Variants in EGFL6 observed in about 807,000 individuals in gnomAD.
EGFL6 encodes EGF like domain multiple 6, also known as epidermal growth factor-like protein 6.
Under a neutral mutation model 43.1 loss-of-function variants are expected in EGFL6, and 42 were observed. That is an observed-to-expected ratio of 0.98 (90% confidence interval 0.76 to 1.26). The LOEUF (loss-of-function observed/expected upper bound fraction) is 1.26. Ranked by LOEUF, EGFL6 falls within the 50% of genes most tolerant of loss-of-function variation. The pLI, the probability that EGFL6 is intolerant of heterozygous loss-of-function variation, is 0.00. For missense variants in EGFL6, 429 were observed against 427.8 expected (o/e 1.00, Z -0.02); for synonymous variants, 164 against 163.2 (o/e 1.01, Z -0.04).
chrX:13,600,723 C>T (rs1160436969), intron 4 of EGFL6, among the ~76,000 whole-genome samples: 1 of 98,266 alleles, frequency 1.0e-5, no homozygotes, highest in Non-Finnish European at 2.0e-5. Flanking sequence ...CATGACGAAA[C>T]CCTGTCTCTA....
At chrX:13,580,267 C>T (rs1032713145) in intron 1 of EGFL6, among the ~76,000 whole-genome samples, 2 of 111,603 alleles carry the variant, frequency 1.8e-5, no homozygotes, top group Admixed American at 1.9e-4. Flanking sequence ...TCCAGGTTAT[C>T]TTCCCAGTCC....
intron 4 of EGFL6, among the ~76,000 whole-genome samples, chrX:13,602,579 A>G (rs1246980866): frequency 8.9e-6 from 1 of 111,881 alleles, no homozygotes; most frequent in African/African-American, 3.3e-5. Flanking sequence ...CACATGGAAA[A>G]TAGACAAAAC....
chrX:13,597,731 C>G (rs1359945432), intron 3 of EGFL6, among the ~76,000 whole-genome samples: 1 of 111,144 alleles, frequency 9.0e-6, no homozygotes, highest in African/African-American at 3.3e-5. Flanking sequence ...TTGCAGTGAG[C>G]TGAGATCGCG....
chrX:13,571,925 C>CTT (rs2045445321), intron 1 of EGFL6, among the ~76,000 whole-genome samples: 1 of 112,181 alleles, frequency 8.9e-6, no homozygotes, highest in South Asian at 3.7e-4. Context: ...GGTTTCACAA[C>CTT]TTATAGGAAA....
At chrX:13,580,127 T>C (rs1310313021) in intron 1 of EGFL6, among the ~76,000 whole-genome samples, 1 of 111,681 alleles carries the variant, frequency 9.0e-6, no homozygotes, top group Non-Finnish European at 1.9e-5. Context: ...TTTAAAACCG[T>C]CACAGCATAC....
At chrX:13,612,899 C>A in intron 7 of EGFL6, among the ~76,000 whole-genome samples, 1 of 111,385 alleles carries the variant, frequency 9.0e-6, no homozygotes, top group African/African-American at 3.3e-5. Context: ...AATCCTAGCA[C>A]TTTGGAAGGC....
intron 3 of EGFL6, among the ~76,000 whole-genome samples, chrX:13,595,619 C>A (rs138508546): frequency 0.02 from 2,297 of 112,151 alleles, 41 homozygotes; most frequent in African/African-American, 0.053. Context: ...ACATTGTTCT[C>A]TGCATAGCCC....
chrX:13,577,393 TATATGC>T (rs1256316027), intron 1 of EGFL6, among the ~76,000 whole-genome samples: 14 of 103,681 alleles, frequency 1.4e-4, no homozygotes, highest in Non-Finnish European at 2.0e-5. Flanking sequence ...AATATATGTC[TATATGC>T]ATATGTATAA....
intron 7 of EGFL6, among the ~76,000 whole-genome samples, chrX:13,613,149 A>AATATATATATATATATATATAT (rs1166418088): frequency 4.1e-5 from 3 of 73,551 alleles, no homozygotes; most frequent in African/African-American, 2.0e-4. Context: ...CATCTCCATA[A>AATATATATATATATATATATAT]ATATATACAT....
Position 13,617,832 on chromosome X carries a change from CA to C in EGFL6, c.886del (p.Ile296LeufsTer16), listed in dbSNP as rs771268400. ...CACAAAAACAGCATGAAAAAGAAGG[CA>C]AAAATTAAAAATGTTACCCCAGAAC... ...LAHKNSMKKK[A>X]KIKNVTPEPT... On this transcript the variant is annotated frameshift_variant, in exon 8 of 12. Transcript: ENST00000361306. LOFTEE classifies it high-confidence loss of function. 3.3e-6 allele frequency: 4 copies of C among 1,211,207 alleles called. No individual in the cohort carries two copies. In the East Asian group the frequency reaches 8.9e-5, roughly 27 times the overall value.
At position 13,617,818 on chromosome X, in the gene EGFL6, C is replaced by T. The variant is rs5978653; in HGVS notation, c.867C>T (p.Ser289=). ...RIKKLLAHKN[S]MKKKAKIKNV... ...AGAAGTTGCTTGCTCACAAAAACAGCATGAAAAAGAAGGCAAAAATTAAAA... is the reference window on the plus strand; with the variant it reads ...AGAAGTTGCTTGCTCACAAAAACAGTATGAAAAAGAAGGCAAAAATTAAAA... The change falls in exon 8 of 12, where the codon AGC becomes AGT. Residue 289 remains serine, a synonymous_variant. Coordinates refer to ENST00000361306, the MANE Select transcript of EGFL6 (RefSeq NM_015507.4). The T allele has an allele frequency of 0.064, 77,071 of 1,209,352 alleles. 1,824 individuals are homozygous for T. The highest frequency in any genetic ancestry group is 0.16 in the East Asian group (5,444 of 33,744).
Position 13,633,040 on chromosome X carries a change from G to C in EGFL6, c.1607G>C (p.Gly536Ala). Reference protein sequence around the residue: ...KGKTGEIAVDGVLLVSGLCPD... With the variant: ...KGKTGEIAVDAVLLVSGLCPD... ...AAAACCGGCGAAATCGCAGTGGATG[G>C]CGTCTTGCTTGTTTCAGGCTTATGT... The change falls in exon 12 of 12, where the codon GGC (glycine) becomes GCC (alanine). Residue 536 changes from glycine (G) to alanine (A), a missense_variant. Gly to Ala is a moderately conservative substitution (Grantham distance 60). Transcript: ENST00000361306. 8.3e-7 allele frequency: 1 copy of C among 1,206,591 alleles called. No individual in the cohort carries two copies. Among genetic ancestry groups the C allele is most frequent in the South Asian group, 1.8e-5 (1 of 55,765 alleles).
Position 13,610,571 on chromosome X carries a change from G to A in EGFL6, c.778+2125G>A, listed in dbSNP as rs771030701. 2.7e-5 allele frequency among the ~76,000 whole-genome samples: 3 copies of A among 112,275 alleles called. No individual in the cohort carries two copies. In the South Asian group the frequency reaches 1.1e-3, roughly 42 times the overall value. On this transcript the variant is annotated intron_variant, in intron 7 of 11. Coordinates refer to ENST00000361306, the MANE Select transcript of EGFL6 (RefSeq NM_015507.4). ...GCTGCCCAGGCAGGGCTGTGCATAG[G>A]TAGGTTGGGGGGAAGGACACCATAA...
chrX:13,573,098 C>T (rs374390833), intron 1 of EGFL6, among the ~76,000 whole-genome samples: 13 of 112,060 alleles, frequency 1.2e-4, no homozygotes, highest in African/African-American at 3.9e-4. Context: ...CAGGCCCACT[C>T]GGATAATTCA....
intron 1 of EGFL6, among the ~76,000 whole-genome samples, chrX:13,587,535 T>C (rs182436330): frequency 3.3e-4 from 37 of 111,785 alleles, no homozygotes; most frequent in Non-Finnish European, 6.4e-4. Flanking sequence ...TTACAATACA[T>C]TGTTGCTAAC....
chrX:13,582,711 T>C (rs977288440), intron 1 of EGFL6, among the ~76,000 whole-genome samples: 35 of 111,305 alleles, frequency 3.1e-4, no homozygotes, highest in African/African-American at 1.1e-3. Context: ...TGAGGATTTC[T>C]CTGGAGAGTT....
At chrX:13,618,539 A>G (rs980549495) in intron 8 of EGFL6, among the ~76,000 whole-genome samples, 5 of 112,720 alleles carry the variant, frequency 4.4e-5, no homozygotes, top group African/African-American at 1.6e-4. Context: ...ATGTAGGAGG[A>G]CAAATTTTAT....
At chrX:13,597,182 T>C (rs2045602701) in intron 3 of EGFL6, among the ~76,000 whole-genome samples, 1 of 112,076 alleles carries the variant, frequency 8.9e-6, no homozygotes, top group Admixed American at 9.4e-5. Flanking sequence ...GAAGAAATCT[T>C]CAATAATTCA....
intron 1 of EGFL6, among the ~76,000 whole-genome samples, chrX:13,572,528 T>G (rs183288030): frequency 8.9e-6 from 1 of 112,403 alleles, no homozygotes; most frequent in Non-Finnish European, 1.9e-5. Context: ...GAACTCCATC[T>G]CGAGTGTTCT....
Sources: gnomAD v4.1 joint callset for allele counts (sites outside exome capture counted in the v4.1 genomes callset) on GRCh38, gnomAD v4.1.1 for gene constraint, MANE v1.5 for transcripts, NCBI Gene and HGNC (gene_info 2026-07-23, HGNC 2026-07-21) for gene names.